Variants in SPAG16 observed in about 807,000 individuals in gnomAD.
The protein encoded by SPAG16 is sperm associated antigen 16, also known as sperm-associated antigen 16 protein.
SPAG16 carries 86 observed loss-of-function variants against 80.4 expected under a neutral mutation model. The observed-to-expected ratio is 1.07, with a 90% CI of 0.90 to 1.28. SPAG16 has a LOEUF of 1.28. Among genes scored for constraint, SPAG16 ranks in the 50% most tolerant of loss-of-function variants. The pLI, the probability that SPAG16 is intolerant of heterozygous loss-of-function variation, is 0.00. For missense variants in SPAG16, 870 were observed against 765.3 expected (o/e 1.14, Z -1.61); for synonymous variants, 294 against 265.9 (o/e 1.11, Z -1.03).
intron 10 of SPAG16, among the ~76,000 whole-genome samples, chr2:213,619,596 A>G (rs542230894): frequency 1.3e-5 from 2 of 152,356 alleles, no homozygotes; most frequent in South Asian, 4.1e-4. Flanking sequence ...AATGCAAATC[A>G]AAACCACAGT....
chr2:213,788,029 ACTCTTAG>A (rs2070451033), intron 10 of SPAG16, among the ~76,000 whole-genome samples: 1 of 151,960 alleles, frequency 6.6e-6, no homozygotes, highest in Non-Finnish European at 1.5e-5. Context: ...GACAATTGGC[ACTCTTAG>A]GCACTATTGG....
At chr2:214,329,077 C>A (rs1696705191) in intron 15 of SPAG16, among the ~76,000 whole-genome samples, 1 of 152,160 alleles carries the variant, frequency 6.6e-6, no homozygotes, top group Non-Finnish European at 1.5e-5. Flanking sequence ...ACAAAAAGAA[C>A]AATAGCCAAT....
Position 213,333,840 on chromosome 2 carries a change from CA to C in SPAG16, c.537-6318del, listed in dbSNP as rs998059820. ...CTGGAATACTATGTCTCATCATGTG[CA>C]AAAATCAAATCAAAATGAAATTCCT... On this transcript the variant is annotated intron_variant, in intron 5 of 15. Transcript: ENST00000331683. 9.9e-5 allele frequency among the ~76,000 whole-genome samples: 15 copies of C among 151,956 alleles called. 1 individual carries two copies. Among genetic ancestry groups the C allele is most frequent in the African/African-American group, 3.6e-4 (15 of 41,408 alleles).
chr2:214,122,644 C>T (rs1183989332), intron 14 of SPAG16, among the ~76,000 whole-genome samples: 1 of 151,804 alleles, frequency 6.6e-6, no homozygotes, highest in Non-Finnish European at 1.5e-5. Flanking sequence ...TGATGTCAGG[C>T]AGTATTTATG....
At chr2:213,553,073 TC>T (rs1163470148) in intron 10 of SPAG16, among the ~76,000 whole-genome samples, 2 of 152,146 alleles carry the variant, frequency 1.3e-5, no homozygotes, top group African/African-American at 4.8e-5. Context: ...TTGTGGGACT[TC>T]ACCTTCACCT....
intron 10 of SPAG16, among the ~76,000 whole-genome samples, chr2:213,827,150 A>G (rs1024870011): frequency 6.6e-6 from 1 of 151,744 alleles, no homozygotes; most frequent in East Asian, 1.9e-4. Flanking sequence ...TAGCCACTCT[A>G]TGTCTTTTAA....
At chr2:214,407,619 A>G (rs1435216436) in intron 15 of SPAG16, among the ~76,000 whole-genome samples, 2 of 152,144 alleles carry the variant, frequency 1.3e-5, no homozygotes, top group African/African-American at 2.4e-5. Flanking sequence ...TTAAAAAGAT[A>G]CCCATGCACT....
At chr2:214,023,858 GA>G (rs2048007332) in intron 13 of SPAG16, among the ~76,000 whole-genome samples, 1 of 151,348 alleles carries the variant, frequency 6.6e-6, no homozygotes, top group Non-Finnish European at 1.5e-5. Context: ...ATCAGCCTTT[GA>G]AAAAATATCA....
At chr2:213,488,537 C>G (rs1405787802) in intron 9 of SPAG16, among the ~76,000 whole-genome samples, 1 of 152,020 alleles carries the variant, frequency 6.6e-6, no homozygotes, top group Non-Finnish European at 1.5e-5. Flanking sequence ...ATTCATCATT[C>G]CTTCAAAACA....
intron 14 of SPAG16, among the ~76,000 whole-genome samples, chr2:214,116,909 A>C (rs2053961407): frequency 6.6e-6 from 1 of 152,194 alleles, no homozygotes; most frequent in Non-Finnish European, 1.5e-5. Context: ...CCAGACTGTG[A>C]AGACTGGAAC....
intron 10 of SPAG16, among the ~76,000 whole-genome samples, chr2:213,760,590 G>T (rs554823263): frequency 6.6e-6 from 1 of 151,006 alleles, no homozygotes; most frequent in East Asian, 1.9e-4. Context: ...CAACAACAGC[G>T]TACACATTCT....
intron 12 of SPAG16, among the ~76,000 whole-genome samples, chr2:213,956,885 C>T (rs1054159995): frequency 1.1e-4 from 17 of 152,138 alleles, no homozygotes; most frequent in Admixed American, 3.3e-4. Flanking sequence ...CTTGTAATTT[C>T]TTCTTTGATC....
intron 10 of SPAG16, among the ~76,000 whole-genome samples, chr2:213,502,711 T>C (rs1360208187): frequency 6.6e-6 from 1 of 152,246 alleles, no homozygotes; most frequent in Non-Finnish European, 1.5e-5. Flanking sequence ...TTTAATCCTA[T>C]GAACAGTTCT....
chr2:213,438,485 G>A (rs746351033), intron 9 of SPAG16, among the ~76,000 whole-genome samples: 3 of 152,162 alleles, frequency 2.0e-5, no homozygotes, highest in Non-Finnish European at 4.4e-5. Flanking sequence ...TTTACATATT[G>A]CCTATGGCTG....
intron 10 of SPAG16, among the ~76,000 whole-genome samples, chr2:213,716,611 T>C (rs886072096): frequency 1.3e-5 from 2 of 152,210 alleles, no homozygotes; most frequent in African/African-American, 4.8e-5. Flanking sequence ...TCAGGTTATC[T>C]TCTGTTTATA....
intron 12 of SPAG16, among the ~76,000 whole-genome samples, chr2:213,988,509 G>A (rs2046127363): frequency 6.6e-6 from 1 of 151,908 alleles, no homozygotes; most frequent in African/African-American, 2.4e-5. Context: ...GGTTAAAGAG[G>A]AATTCACAGG....
At chr2:214,360,871 C>T (rs997074643) in intron 15 of SPAG16, among the ~76,000 whole-genome samples, 1 of 151,670 alleles carries the variant, frequency 6.6e-6, no homozygotes, top group Admixed American at 6.6e-5. Context: ...TACCCTCTTT[C>T]TGGGGAAGAA....
intron 10 of SPAG16, among the ~76,000 whole-genome samples, chr2:213,747,056 A>G (rs991944119): frequency 6.6e-6 from 1 of 152,188 alleles, no homozygotes; most frequent in African/African-American, 2.4e-5. Context: ...TTGCCCCCAA[A>G]GACCTTCCGG....
At chr2:213,949,715 A>G (rs1408395276) in intron 12 of SPAG16, among the ~76,000 whole-genome samples, 1 of 152,166 alleles carries the variant, frequency 6.6e-6, no homozygotes, top group African/African-American at 2.4e-5. Context: ...CTTCATTTTT[A>G]TTGCATAATG....
Sources: allele counts gnomAD v4.1 joint callset (sites outside exome capture counted in the v4.1 genomes callset), GRCh38; gene constraint gnomAD v4.1.1; transcripts MANE v1.5; gene names NCBI Gene and HGNC (gene_info 2026-07-23, HGNC 2026-07-21).